C1QTNF12: variants seen among roughly 807,000 people sequenced by gnomAD.
C1QTNF12 encodes adipolin.
Under a neutral mutation model 34.3 loss-of-function variants are expected in C1QTNF12, and 39 were observed. That is an observed-to-expected ratio of 1.14 (90% CI 0.88 to 1.49). The LOEUF is 1.49. Ranked by LOEUF, C1QTNF12 falls within the 40% of genes most tolerant of loss-of-function variation. The pLI is 0.00. For missense variants in C1QTNF12, 497 were observed against 424.7 expected, an observed-to-expected ratio of 1.17 and a Z score of -1.50; for synonymous variants, 220 against 196.9, an observed-to-expected ratio of 1.12 and a Z score of -0.98.
chr1:1,245,734 G>A (rs1638877123), intron 1 of C1QTNF12, among the ~76,000 whole-genome samples: 1 of 152,224 alleles, frequency 6.6e-6, no homozygotes, highest in African/African-American at 2.4e-5. Context: ...GGGACCTCGG[G>A]CTCCAGCGGG....
At chr1:1,244,315 C>G (rs759691326) in intron 2 of C1QTNF12, 40 bp from the exon 3 acceptor site, 1 of 1,590,344 alleles carries the variant, frequency 6.3e-7, no homozygotes, top group Admixed American at 1.7e-5. Context: ...CCAGTGGGAC[C>G]CGGTGGGAGC....
At chr1:1,243,919 C>T in intron 4 of C1QTNF12, 35 bp downstream of exon 4, 1 of 1,586,806 alleles carries the variant, frequency 6.3e-7, no homozygotes, top group South Asian at 1.1e-5. Context: ...GGGGCCCCAC[C>T]CAACACCCCG....
In C1QTNF12 at chr1:1,244,390, G is replaced by T. The variant is rs1638824814; in HGVS notation, c.285C>A (p.Asp95Glu). ...GALRKRCGSR[D>E]KKPRDLFGPP... ...CCCGGGCGGGGCTCACCGGCTTCTT[G>T]TCCCTGCTTCCGCACCGCTTCCTTA... Residue 95 changes from aspartate (D) to glutamate (E), a missense_variant, in exon 2 of 8, where the codon GAC becomes GAA. Transcript: ENST00000330388. 6.2e-7 allele frequency: 1 copy of T among 1,611,288 alleles called. No individual in the cohort carries two copies. The highest frequency in any genetic ancestry group is 8.5e-7 in the Non-Finnish European group (1 of 1,179,184).
At chr1:1,246,780 G>A (rs1472372642), upstream of C1QTNF12, 2 of 1,001,728 alleles carry the variant, frequency 2.0e-6, no homozygotes, top group African/African-American at 1.7e-5. The surrounding 1 kb of genome is among the most constrained non-coding windows in gnomAD (Gnocchi z 4.5). Flanking sequence ...CCGCGCGGGG[G>A]CGAGGCCCAG....
chr1:1,243,339 T>C (rs899118110), intron 5 of C1QTNF12, 105 bp downstream of exon 5: 1 of 1,157,006 alleles, frequency 8.6e-7, no homozygotes, highest in African/African-American at 1.5e-5. Flanking sequence ...GGGCAGGGGA[T>C]AGGTCCCTAA....
chr1:1,244,155 G>C (rs1381220044), intron 3 of C1QTNF12, 36 bp downstream of exon 3: 2 of 1,560,152 alleles, frequency 1.3e-6, no homozygotes, highest in African/African-American at 2.7e-5. Flanking sequence ...CAGGGCCCAG[G>C]CACGTCTGGT....
rs1468313577 is a variant in C1QTNF12, at chr1:1,246,383, C to G, written c.177+131G>C. ...CTGCAGCAGATTCTCAAGGCGGGACCGTGGCCGAGGCCTCGAAAAGGGCGA... is the reference window on the plus strand; with the variant it reads ...CTGCAGCAGATTCTCAAGGCGGGACGGTGGCCGAGGCCTCGAAAAGGGCGA... On this transcript the variant is annotated intron_variant, in intron 1 of 7. Transcript: ENST00000330388. This position sits in a 1 kb window ranked among gnomAD's most constrained non-coding sequence, Gnocchi z 4.5. 1.4e-6 allele frequency: 1 copy of G among 730,650 alleles called. No individual in the cohort carries two copies. The highest frequency in any genetic ancestry group is 1.9e-6 in the Non-Finnish European group (1 of 532,092). 45.3% of individuals were successfully genotyped at this position (730,650 alleles called of 1,614,324 possible). A position where few individuals can be genotyped will look rare whatever the true frequency, so the allele number is the denominator to read the frequency against.
At chr1:1,243,746 C>T (rs879920446) in intron 4 of C1QTNF12, among the ~76,000 whole-genome samples, 194 bp from the exon 5 acceptor site, 1 of 152,108 alleles carries the variant, frequency 6.6e-6, no homozygotes, top group South Asian at 2.1e-4. Context: ...TCCCGGCTAC[C>T]GGGGACCCAC....
At position 1,242,495 on chromosome 1, in the gene C1QTNF12, A is replaced by G. The variant is rs1638762673; in HGVS notation, c.*53T>C. The G allele has an allele frequency of 2.2e-6, 3 of 1,378,058 alleles. No homozygotes were observed. Among genetic ancestry groups the G allele is most frequent in the Non-Finnish European group, 3.0e-6 (3 of 999,464 alleles). The allele number at this position is 1,378,058 out of a possible 1,614,324, so 85.4% of individuals were successfully genotyped here. A position where few individuals can be genotyped will look rare whatever the true frequency, so the allele number is the denominator to read the frequency against. ...TATTGTGGTGACCACGGGCATCAGT[A>G]GGAGGGTCCCCGGGATCCGGCGGCA... On this transcript the variant is annotated 3_prime_UTR_variant, in exon 8 of 8. Coordinates refer to ENST00000330388, the MANE Select transcript of C1QTNF12 (RefSeq NM_001014980.3).
chr1:1,244,520 G>A, intron 1 of C1QTNF12, 23 bp from the exon 2 acceptor site: 1 of 1,539,818 alleles, frequency 6.5e-7, no homozygotes, highest in Non-Finnish European at 9.0e-7. Context: ...GACGGGGCTA[G>A]CGCACTGAGG....
In C1QTNF12 at chr1:1,246,647, G is replaced by T; in HGVS notation, c.44C>A (p.Pro15Gln). 8.1e-7 allele frequency: 1 copy of T among 1,233,404 alleles called. No individual in the cohort carries two copies. Among genetic ancestry groups the T allele is most frequent in the Non-Finnish European group, 1.0e-6 (1 of 988,628 alleles). 76.4% of individuals were successfully genotyped at this position (1,233,404 alleles called of 1,614,324 possible). A position where few individuals can be genotyped will look rare whatever the true frequency, so the allele number is the denominator to read the frequency against. The change falls in exon 1 of 8, where the codon CCG becomes CAG. Residue 15 changes from proline to glutamine, a missense_variant. Physicochemically the swap from Pro to Gln is moderately conservative, Grantham distance 76. Coordinates refer to ENST00000330388, the MANE Select transcript of C1QTNF12 (RefSeq NM_001014980.3). This position sits in a 1 kb window ranked among gnomAD's most constrained non-coding sequence, Gnocchi z 4.5. ...AWAAVVVLLG[P>Q]QLVLLGGVGA... ...GACGCCCCCGAGGAGCACGAGCTGC[G>T]GCCCGAGGAGGACCACGACCGCGGC... is the stretch of plus-strand genomic sequence containing the variant.
At chr1:1,246,830 C>T (rs955195872), upstream of C1QTNF12, 97 of 558,828 alleles carry the variant, frequency 1.7e-4, no homozygotes, top group Non-Finnish European at 2.2e-4. This position sits in a 1 kb window ranked among gnomAD's most constrained non-coding sequence, Gnocchi z 4.5. Flanking sequence ...CTGCGCGGAC[C>T]TGCCCGGAAC....
upstream of C1QTNF12, among the ~76,000 whole-genome samples, chr1:1,247,001 G>A (rs927645446): frequency 3.3e-5 from 5 of 151,730 alleles, no homozygotes; most frequent in Admixed American, 6.6e-5. Context: ...ACACTCGGAC[G>A]ATCAGCCAGC....
chr1:1,245,641 C>T (rs979020658), intron 1 of C1QTNF12, among the ~76,000 whole-genome samples: 10 of 152,176 alleles, frequency 6.6e-5, no homozygotes, highest in Non-Finnish European at 8.8e-5. Flanking sequence ...GCCAGCCTGG[C>T]CCTAGCGCCG....
chr1:1,244,319 T>A (rs1009751233), intron 2 of C1QTNF12, 44 bp from the exon 3 acceptor site: 1 of 1,591,808 alleles, frequency 6.3e-7, no homozygotes, highest in Non-Finnish European at 8.6e-7. Flanking sequence ...TGGGACCCGG[T>A]GGGAGCTACC....
Position 1,242,504 on chromosome 1 carries a change from C to T in C1QTNF12, c.*44G>A, listed in dbSNP as rs766955483. 4.1e-6 allele frequency: 6 copies of T among 1,458,000 alleles called. No individual in the cohort carries two copies. In the South Asian group the frequency reaches 6.2e-5, roughly 15 times the overall value. The allele number at this position is 1,458,000 out of a possible 1,614,324, so 90.3% of individuals were successfully genotyped here. A position where few individuals can be genotyped will look rare whatever the true frequency, so the allele number is the denominator to read the frequency against. On this transcript the variant is annotated 3_prime_UTR_variant, in exon 8 of 8. Coordinates refer to ENST00000330388, the MANE Select transcript of C1QTNF12 (RefSeq NM_001014980.3). The stretch of plus-strand genomic sequence containing the variant: ...GACCACGGGCATCAGTAGGAGGGTC[C>T]CCGGGATCCGGCGGCAGCTCCTCGC...
In C1QTNF12 at chr1:1,243,344, C is replaced by T. The variant is rs1638792000; in HGVS notation, c.640+100G>A. The T allele has an allele frequency of 6.6e-6, 8 of 1,207,958 alleles. No homozygotes were observed. The Admixed American group carries it at 1.5e-4, about 22-fold the overall frequency. The allele number at this position is 1,207,958 out of a possible 1,614,324, so 74.8% of individuals were successfully genotyped here. On this transcript the variant is annotated intron_variant, in intron 5 of 7. Transcript: ENST00000330388. ...GCCCCCCATGGGGCAGGGGATAGGT[C>T]CCTAACAGGACCCGCACCCGGGGCC... is the stretch of plus-strand genomic sequence containing the variant.
At chr1:1,244,633 G>A (rs1158420500) in intron 1 of C1QTNF12, 136 bp from the exon 2 acceptor site, 3 of 699,426 alleles carry the variant, frequency 4.3e-6, no homozygotes, top group South Asian at 3.4e-5. Flanking sequence ...GCCGCCCTTG[G>A]GGGAGTCAGA....
chr1:1,244,154 G>A, intron 3 of C1QTNF12, 37 bp downstream of exon 3: 1 of 1,560,220 alleles, frequency 6.4e-7, no homozygotes. Context: ...ACAGGGCCCA[G>A]GCACGTCTGG....
Sources: allele counts gnomAD v4.1 joint callset (sites outside exome capture counted in the v4.1 genomes callset), GRCh38; gene constraint gnomAD v4.1.1; non-coding constraint Gnocchi (gnomAD v3.1); transcripts MANE v1.5; gene names NCBI Gene and HGNC (gene_info 2026-07-23, HGNC 2026-07-21).